The following FHIT variants were observed in gnomAD, a reference collection of about 807,000 sequenced individuals.
The protein encoded by FHIT is bis(5'-adenosyl)-triphosphatase.
A neutral mutation model predicts 17.9 loss-of-function variants in FHIT; 19 were observed. The ratio of observed to expected loss-of-function variants is 1.06; its 90% CI spans 0.74 to 1.56. FHIT has a LOEUF of 1.56. Ranked by LOEUF, FHIT falls within the 40% of genes most tolerant of loss-of-function variation. The pLI is 0.00. For synonymous variants in FHIT, 81 were observed against 69.7 expected, an observed-to-expected ratio of 1.16 and a Z score of -0.81; for missense variants, 248 against 189.2, an observed-to-expected ratio of 1.31 and a Z score of -1.82.
At chr3:60,305,463 T>C (rs1423508428) in intron 5 of FHIT, among the ~76,000 whole-genome samples, 1 of 152,166 alleles carries the variant, frequency 6.6e-6, no homozygotes, top group Non-Finnish European at 1.5e-5. Context: ...TTCTGTTTCA[T>C]GCAGGGCCAT....
intron 5 of FHIT, among the ~76,000 whole-genome samples, chr3:60,199,967 A>T (rs1055737998): frequency 3.9e-5 from 6 of 152,148 alleles, no homozygotes; most frequent in Non-Finnish European, 8.8e-5. Flanking sequence ...CTTTTGTTGT[A>T]CTAGGGTTTT....
At chr3:59,878,461 C>T (rs1284331216) in intron 8 of FHIT, among the ~76,000 whole-genome samples, 1 of 152,182 alleles carries the variant, frequency 6.6e-6, no homozygotes, top group Non-Finnish European at 1.5e-5. Context: ...CAGCTGTCCA[C>T]TGCACTGAGA....
intron 8 of FHIT, among the ~76,000 whole-genome samples, chr3:59,862,241 A>G (rs1282093343): frequency 6.6e-6 from 1 of 152,230 alleles, no homozygotes; most frequent in Non-Finnish European, 1.5e-5. Context: ...GTGGCAGGCA[A>G]GAGGCCATGC....
At chr3:59,775,696 TG>T (rs1369046348) in intron 8 of FHIT, among the ~76,000 whole-genome samples, 1 of 152,190 alleles carries the variant, frequency 6.6e-6, no homozygotes, top group Non-Finnish European at 1.5e-5. Context: ...AATCTTAGAA[TG>T]GTTTCCCCTT....
chr3:59,787,673 A>G (rs1304132619), intron 8 of FHIT, among the ~76,000 whole-genome samples: 1 of 152,216 alleles, frequency 6.6e-6, no homozygotes, highest in Non-Finnish European at 1.5e-5. Context: ...TACTTACTAC[A>G]TGCCAGGAAT....
chr3:60,341,849 C>G (rs1373343620), intron 5 of FHIT, among the ~76,000 whole-genome samples: 1 of 152,114 alleles, frequency 6.6e-6, no homozygotes, highest in Non-Finnish European at 1.5e-5. Flanking sequence ...TGGGTCAGAA[C>G]CCTGTACGTG....
At chr3:61,052,489 G>A (rs1203204914) in intron 2 of FHIT, among the ~76,000 whole-genome samples, 2 of 152,166 alleles carry the variant, frequency 1.3e-5, no homozygotes, top group Non-Finnish European at 2.9e-5. Context: ...CTGTGATGGA[G>A]GATCAGCATT....
intron 5 of FHIT, among the ~76,000 whole-genome samples, chr3:60,359,728 G>C (rs545007551): frequency 6.6e-6 from 1 of 152,302 alleles, no homozygotes; most frequent in South Asian, 2.1e-4. Context: ...GATAGATTAT[G>C]AAATTCCAGT....
intron 5 of FHIT, among the ~76,000 whole-genome samples, chr3:60,245,785 A>C (rs1360191992): frequency 6.6e-6 from 1 of 152,094 alleles, no homozygotes; most frequent in Non-Finnish European, 1.5e-5. Flanking sequence ...TAAAAATATA[A>C]ATCAATATTG....
intron 5 of FHIT, among the ~76,000 whole-genome samples, chr3:60,527,740 C>A (rs540658737): frequency 1.3e-5 from 2 of 152,274 alleles, no homozygotes; most frequent in East Asian, 3.9e-4. Context: ...AAATACAACA[C>A]TAGAAAGTGG....
intron 8 of FHIT, among the ~76,000 whole-genome samples, chr3:59,850,772 C>A (rs1281029035): frequency 1.3e-5 from 2 of 152,158 alleles, no homozygotes; most frequent in Non-Finnish European, 2.9e-5. Context: ...GTGGGTGTGA[C>A]TTGCCACAAA....
chr3:59,909,477 GCAC>G (rs1219580302), intron 8 of FHIT, among the ~76,000 whole-genome samples: 2 of 152,050 alleles, frequency 1.3e-5, no homozygotes, highest in Non-Finnish European at 2.9e-5. Context: ...TTATGGGCAC[GCAC>G]CACCACACCT....
Position 60,898,574 on chromosome 3 carries a change from T to C in FHIT, c.-110-76563A>G, listed in dbSNP as rs541068836. On this transcript the variant is annotated intron_variant, in intron 3 of 9. Transcript: ENST00000492590. ...TGTAAAGTTCTGCAAAAGCACCAGA[T>C]AAGCAAATTTAGAACAAAACATTAC... is the stretch of plus-strand genomic sequence containing the variant. Among the ~76,000 whole-genome samples the C allele has an allele frequency of 2.2e-4, 34 of 152,328 alleles. No individual in the cohort carries two copies. The South Asian group carries it at 6.8e-3, about 31-fold the overall frequency.
intron 8 of FHIT, among the ~76,000 whole-genome samples, chr3:59,865,553 C>A (rs571854858): frequency 2.0e-5 from 3 of 152,328 alleles, no homozygotes; most frequent in Admixed American, 1.3e-4. Context: ...TGGGATATAA[C>A]GAGGTGCCAA....
At chr3:60,493,902 A>G (rs1395099642) in intron 5 of FHIT, among the ~76,000 whole-genome samples, 1 of 152,194 alleles carries the variant, frequency 6.6e-6, no homozygotes, top group South Asian at 2.1e-4. Flanking sequence ...CTAAATATGA[A>G]TAGCTCAGAA....
At chr3:60,852,410 G>T (rs1377892305) in intron 3 of FHIT, among the ~76,000 whole-genome samples, 7 of 152,066 alleles carry the variant, frequency 4.6e-5, no homozygotes, top group Non-Finnish European at 8.8e-5. Context: ...ACATCCTACT[G>T]ATTCTGTTTC....
chr3:60,047,904 G>C (rs147425596), intron 5 of FHIT, among the ~76,000 whole-genome samples: 1 of 152,172 alleles, frequency 6.6e-6, no homozygotes, highest in Admixed American at 6.5e-5. Context: ...AAATGTAGGT[G>C]TATCAGTTTG....
At chr3:60,043,258 T>C (rs1412561921) in intron 5 of FHIT, among the ~76,000 whole-genome samples, 3 of 152,212 alleles carry the variant, frequency 2.0e-5, no homozygotes, top group Admixed American at 2.0e-4. Context: ...TGCCAATTCT[T>C]TGGGACATTA....
intron 4 of FHIT, among the ~76,000 whole-genome samples, chr3:60,542,445 AGCAC>A (rs1256131255): frequency 1.3e-5 from 2 of 152,192 alleles, no homozygotes; most frequent in East Asian, 3.9e-4. Flanking sequence ...CATCCTTACC[AGCAC>A]TTGATAGTAC....
Sources: gnomAD v4.1 joint callset for allele counts (sites outside exome capture counted in the v4.1 genomes callset) on GRCh38, gnomAD v4.1.1 for gene constraint, MANE v1.5 for transcripts, NCBI Gene and HGNC (gene_info 2026-07-23, HGNC 2026-07-21) for gene names.